Variants in KIAA1217 observed in about 807,000 individuals in gnomAD.
KIAA1217 encodes sickle tail protein homolog.
Under a neutral mutation model 163.9 loss-of-function variants are expected in KIAA1217, and 88 were observed. That is an observed-to-expected ratio of 0.54 (90% CI 0.45 to 0.64). KIAA1217 has a LOEUF of 0.64. Among genes scored for constraint, KIAA1217 ranks in the 30% least tolerant of loss-of-function variants. KIAA1217 has a pLI of 0.00. For missense variants in KIAA1217, 2,372 were observed against 2,475.0 expected, an observed-to-expected ratio of 0.96 and a Z score of 0.88; for synonymous variants, 903 against 923.1, an observed-to-expected ratio of 0.98 and a Z score of 0.39.
At chr10:24,342,652 A>ATTTTTTTT (rs11299912) in intron 2 of KIAA1217, among the ~76,000 whole-genome samples, 1 of 93,510 alleles carries the variant, frequency 1.1e-5, no homozygotes, top group Non-Finnish European at 2.0e-5. Context: ...ATACAACTCA[A>ATTTTTTTT]TTTTTTTTTT....
At chr10:23,779,433 G>A (rs1221507461) in intron 1 of KIAA1217, among the ~76,000 whole-genome samples, 1 of 152,108 alleles carries the variant, frequency 6.6e-6, no homozygotes, top group Non-Finnish European at 1.5e-5. Flanking sequence ...ATTATAAATA[G>A]CCTCCAGAGT....
At chr10:24,115,135 G>A (rs900946792) in intron 2 of KIAA1217, among the ~76,000 whole-genome samples, 1 of 152,174 alleles carries the variant, frequency 6.6e-6, no homozygotes, top group Non-Finnish European at 1.5e-5. Flanking sequence ...ACATTTGTGT[G>A]TTTCTCTTTC....
intron 1 of KIAA1217, among the ~76,000 whole-genome samples, chr10:23,885,778 G>A (rs1841143916): frequency 6.6e-6 from 1 of 151,882 alleles, no homozygotes; most frequent in Non-Finnish European, 1.5e-5. Context: ...AATGGGAAAA[G>A]GATGGAAATA....
intron 2 of KIAA1217, among the ~76,000 whole-genome samples, chr10:24,191,835 C>A (rs2066735687): frequency 6.6e-6 from 1 of 152,188 alleles, no homozygotes; most frequent in Admixed American, 6.5e-5. Flanking sequence ...CTCACTGCAA[C>A]CTCCACCTCC....
intron 2 of KIAA1217, among the ~76,000 whole-genome samples, chr10:24,284,503 C>T (rs1564403993): frequency 6.6e-6 from 1 of 152,150 alleles, no homozygotes; most frequent in Non-Finnish European, 1.5e-5. Context: ...TGTGCTAATT[C>T]ACTTAGGATA....
chr10:24,057,935 G>A (rs763437197), intron 2 of KIAA1217, among the ~76,000 whole-genome samples: 1 of 151,974 alleles, frequency 6.6e-6, no homozygotes, highest in African/African-American at 2.4e-5. Flanking sequence ...TTTTGTTTTC[G>A]TTACCTGTGC....
chr10:24,546,238 A>G lies in KIAA1217; in HGVS notation c.5746A>G (p.Ile1916Val). The G allele has an allele frequency of 1.2e-6, 2 of 1,614,176 alleles. No individual in the cohort carries two copies. The highest frequency in any genetic ancestry group is 1.7e-6 in the Non-Finnish European group (2 of 1,180,038). The change falls in exon 21 of 21, where the codon ATC (isoleucine) becomes GTC (valine). Residue 1916 changes from isoleucine to valine, a missense_variant. Ile to Val is a conservative substitution (Grantham distance 29, BLOSUM62 3). Around this residue, in one of 3 missense-constraint regions of KIAA1217, gnomAD observed 690 missense variants for 677.5 expected, o/e 1.02. Transcript: ENST00000376454. ...LNQGAKGTRT[I>V]HTPSLTSYKA... ...TCAAGGTGCCAAGGGCACCAGGACC[A>G]TCCATACTCCCAGCCTCACCAGCTA...
intron 2 of KIAA1217, among the ~76,000 whole-genome samples, chr10:24,071,806 A>C (rs544860873): frequency 6.6e-6 from 1 of 152,356 alleles, no homozygotes; most frequent in East Asian, 1.9e-4. Flanking sequence ...AGAAAAATAA[A>C]GTGAGTGTTG....
At chr10:23,932,151 T>C (rs1843278505) in intron 1 of KIAA1217, among the ~76,000 whole-genome samples, 1 of 152,182 alleles carries the variant, frequency 6.6e-6, no homozygotes, top group East Asian at 1.9e-4. Flanking sequence ...AGTGAGTCCT[T>C]GGTGCAGTCC....
chr10:23,704,142 G>GTGTA lies in KIAA1217; in HGVS notation c.-321+8912_-321+8915dup, dbSNP rs1377060570. 1.1e-3 allele frequency among the ~76,000 whole-genome samples: 96 copies of GTGTA among 87,600 alleles called. 4 individuals are homozygous for GTGTA. The highest frequency in any genetic ancestry group is 3.8e-3 in the African/African-American group (50 of 13,204). 57.5% of individuals were successfully genotyped at this position (87,600 alleles called of 152,430 possible). A position where few individuals can be genotyped will look rare whatever the true frequency, so the allele number is the denominator to read the frequency against. ...TACACATATATGCATGTATGTGTGT[G>GTGTA]TGTATGTGTGTGTGTGTGTGTGTGT... On this transcript the variant is annotated intron_variant, in intron 1 of 18. Transcript: ENST00000376462.
chr10:23,930,317 A>G (rs773375390), intron 1 of KIAA1217, among the ~76,000 whole-genome samples: 4 of 152,180 alleles, frequency 2.6e-5, no homozygotes, highest in Non-Finnish European at 4.4e-5. Flanking sequence ...TTAAATATAT[A>G]TACAGAAAAA....
At chr10:24,036,936 T>C (rs1419110637) in intron 2 of KIAA1217, among the ~76,000 whole-genome samples, 1 of 152,146 alleles carries the variant, frequency 6.6e-6, no homozygotes, top group East Asian at 1.9e-4. Flanking sequence ...TCCAGTCCTA[T>C]CCTTTCTGAA....
chr10:24,269,712 T>C (rs2076591373), intron 2 of KIAA1217, among the ~76,000 whole-genome samples: 1 of 152,180 alleles, frequency 6.6e-6, no homozygotes, highest in Non-Finnish European at 1.5e-5. Context: ...TCATTGGTTT[T>C]TGTTCTTGCA....
intron 1 of KIAA1217, among the ~76,000 whole-genome samples, chr10:23,866,819 A>G (rs758355904): frequency 3.9e-5 from 6 of 152,018 alleles, no homozygotes; most frequent in Non-Finnish European, 8.8e-5. Flanking sequence ...GTGCGATCTC[A>G]GGACAATTTT....
At chr10:24,074,878 T>G (rs2061318425) in intron 2 of KIAA1217, among the ~76,000 whole-genome samples, 1 of 152,152 alleles carries the variant, frequency 6.6e-6, no homozygotes, top group East Asian at 1.9e-4. Flanking sequence ...TTTGTATTTC[T>G]TGTAAAGATG....
At chr10:24,011,268 T>C (rs1057059070) in intron 2 of KIAA1217, among the ~76,000 whole-genome samples, 1 of 152,126 alleles carries the variant, frequency 6.6e-6, no homozygotes, top group Non-Finnish European at 1.5e-5. Context: ...GGAGGATCTC[T>C]TGAGGCCAGG....
rs978631464 is a variant in KIAA1217 at position 24,033,994 on chromosome 10, G to A, written c.-171+26620G>A. ...GGATATCAAGGCAATCTTAAGGAAGGACCAAGTAAAAAAACTGGATTAAGC... is the reference window on the plus strand; with the variant it reads ...GGATATCAAGGCAATCTTAAGGAAGAACCAAGTAAAAAAACTGGATTAAGC... On this transcript the variant is annotated intron_variant, in intron 2 of 18. Transcript: ENST00000376462. Among the ~76,000 whole-genome samples the A allele has an allele frequency of 2.6e-5, 4 of 152,264 alleles. No homozygotes were observed. In the South Asian group the frequency reaches 8.3e-4, roughly 32 times the overall value.
chr10:24,020,173 G>T (rs979645694), intron 2 of KIAA1217, among the ~76,000 whole-genome samples: 1 of 152,216 alleles, frequency 6.6e-6, no homozygotes, highest in South Asian at 2.1e-4. Flanking sequence ...CTTCTAGAGC[G>T]TTGGGTGAGA....
intron 2 of KIAA1217, among the ~76,000 whole-genome samples, chr10:24,164,672 T>C (rs930536855): frequency 4.6e-5 from 7 of 152,170 alleles, no homozygotes; most frequent in Admixed American, 6.5e-5. Flanking sequence ...TTCTGTTCCC[T>C]TGGAATGGGC....
Sources: allele counts gnomAD v4.1 joint callset (sites outside exome capture counted in the v4.1 genomes callset), GRCh38; gene constraint gnomAD v4.1.1; regional missense constraint gnomAD v4.1.1; transcripts MANE v1.5; gene names NCBI Gene and HGNC (gene_info 2026-07-23, HGNC 2026-07-21).